The following ERC2 variants were observed in gnomAD, a reference collection of about 807,000 sequenced individuals.
ERC2 encodes ELKS/RAB6-interacting/CAST family member 2.
A neutral mutation model predicts 114.8 loss-of-function variants in ERC2; 42 were observed. The ratio of observed to expected loss-of-function variants is 0.37; its 90% CI spans 0.29 to 0.47. ERC2 has a LOEUF of 0.47. Ranked by LOEUF, ERC2 falls within the 20% of genes least tolerant of loss-of-function variation. The pLI is 0.99. For synonymous variants in ERC2, 454 were observed against 425.5 expected (o/e 1.07, Z -0.82); for missense variants, 939 against 1,150.7 (o/e 0.82, Z 2.66).
chr3:55,964,403 A>G (rs2068602999), intron 12 of ERC2, among the ~76,000 whole-genome samples: 1 of 152,240 alleles, frequency 6.6e-6, no homozygotes, highest in South Asian at 2.1e-4. Flanking sequence ...TTGGCCACAA[A>G]AGAGAATGGA....
intron 13 of ERC2, among the ~76,000 whole-genome samples, chr3:55,908,916 G>A (rs757964807): frequency 4.6e-5 from 7 of 152,166 alleles, no homozygotes; most frequent in Admixed American, 1.3e-4. Flanking sequence ...TGGGCAATAA[G>A]TATAGAGTCA....
chr3:56,424,368 T>TC (rs1161705405), intron 2 of ERC2, among the ~76,000 whole-genome samples: 1 of 152,152 alleles, frequency 6.6e-6, no homozygotes, highest in East Asian at 1.9e-4. Context: ...CATTTAGGTC[T>TC]CCCAAGGTCC....
At chr3:56,026,907 A>G (rs1393341594) in intron 7 of ERC2, among the ~76,000 whole-genome samples, 4 of 152,224 alleles carry the variant, frequency 2.6e-5, no homozygotes. Flanking sequence ...AAGATACAGA[A>G]CAAGTCCCAC....
chr3:56,405,894 T>TC lies in ERC2; in HGVS notation c.657+28456_657+28457insG, dbSNP rs1357836784. Among the ~76,000 whole-genome samples the TC allele has an allele frequency of 1.9e-3, 270 of 141,064 alleles. 1 individual carries two copies. Among genetic ancestry groups the TC allele is most frequent in the African/African-American group, 6.7e-3 (253 of 37,626 alleles). The allele number at this position is 141,064 out of a possible 152,430, so 92.5% of individuals were successfully genotyped here. ...GGATATGAACTTTTTTTTCTTTTTT[T>TC]TTTTTTTTTTTTTTTTGAGATAGAG... On this transcript the variant is annotated intron_variant, in intron 2 of 17. Transcript: ENST00000288221.
chr3:56,395,286 A>C (rs1413396016), intron 2 of ERC2, among the ~76,000 whole-genome samples: 3 of 152,202 alleles, frequency 2.0e-5, no homozygotes, highest in Admixed American at 1.3e-4. Context: ...TTGATATGTG[A>C]ATTACATTTC....
At chr3:55,623,265 T>C (rs1389378888) in intron 17 of ERC2, among the ~76,000 whole-genome samples, 1 of 152,186 alleles carries the variant, frequency 6.6e-6, no homozygotes, top group African/African-American at 2.4e-5. Context: ...AATTAATACA[T>C]GAAGACAGTG....
chr3:55,807,120 G>A (rs188926206), intron 14 of ERC2, among the ~76,000 whole-genome samples: 38 of 152,198 alleles, frequency 2.5e-4, no homozygotes, highest in Middle Eastern at 3.4e-3. Flanking sequence ...TGTGAAGGAC[G>A]GTGAAGGATG....
chr3:56,288,798 T>C (rs937646017), intron 3 of ERC2, among the ~76,000 whole-genome samples: 1 of 152,172 alleles, frequency 6.6e-6, no homozygotes, highest in Non-Finnish European at 1.5e-5. Flanking sequence ...TGTCTCAAAC[T>C]AGCATCAGTC....
chr3:56,209,746 G>A (rs555525661), intron 3 of ERC2, among the ~76,000 whole-genome samples: 12 of 152,222 alleles, frequency 7.9e-5, no homozygotes, highest in Admixed American at 2.6e-4. Flanking sequence ...GTCAGTAAGC[G>A]CAAATAGCAT....
At chr3:56,451,446 C>A (rs1263641813) in intron 1 of ERC2, among the ~76,000 whole-genome samples, 1 of 151,852 alleles carries the variant, frequency 6.6e-6, no homozygotes, top group East Asian at 1.9e-4. Context: ...AAGCATTCAT[C>A]TATGTATTCT....
intron 14 of ERC2, among the ~76,000 whole-genome samples, chr3:55,781,242 C>G (rs997027268): frequency 9.2e-5 from 14 of 152,242 alleles, no homozygotes; most frequent in African/African-American, 3.4e-4. Flanking sequence ...CCATATTTAT[C>G]ACTGTTTCAA....
At chr3:56,231,282 C>T (rs1379623123) in intron 3 of ERC2, among the ~76,000 whole-genome samples, 2 of 152,214 alleles carry the variant, frequency 1.3e-5, no homozygotes, top group Non-Finnish European at 2.9e-5. Flanking sequence ...GCCCTGACCC[C>T]AAAACCTATC....
chr3:56,416,509 C>G (rs900878596), intron 2 of ERC2, among the ~76,000 whole-genome samples: 1 of 152,078 alleles, frequency 6.6e-6, no homozygotes, highest in South Asian at 2.1e-4. Flanking sequence ...AACATTAACA[C>G]TTCCAAGCCA....
chr3:55,557,963 C>T (rs771442044), intron 17 of ERC2, among the ~76,000 whole-genome samples: 8 of 152,218 alleles, frequency 5.3e-5, no homozygotes, highest in Admixed American at 6.5e-5. Context: ...AGAATGCCTG[C>T]GTTGAAATTC....
At chr3:55,991,673 G>A (rs1423102937) in intron 11 of ERC2, among the ~76,000 whole-genome samples, 2 of 152,120 alleles carry the variant, frequency 1.3e-5, no homozygotes, top group African/African-American at 4.8e-5. Context: ...TTTGGTGTTG[G>A]TGGTGGTGTT....
intron 13 of ERC2, among the ~76,000 whole-genome samples, chr3:55,902,228 C>T (rs548171553): frequency 6.6e-6 from 1 of 152,108 alleles, no homozygotes; most frequent in Non-Finnish European, 1.5e-5. Flanking sequence ...CCAGACATAA[C>T]GTGCCAGAAT....
At chr3:56,275,118 C>T (rs1050518761) in intron 3 of ERC2, among the ~76,000 whole-genome samples, 4 of 152,168 alleles carry the variant, frequency 2.6e-5, no homozygotes, top group African/African-American at 9.7e-5. Context: ...TTTCCAGAAA[C>T]ACGATCCCAG....
chr3:55,532,518 A>G (rs573708376), intron 17 of ERC2, among the ~76,000 whole-genome samples: 110 of 152,352 alleles, frequency 7.2e-4, no homozygotes, highest in African/African-American at 2.5e-3. Context: ...CTTTTTGAGC[A>G]TGAACCAGGT....
intron 6 of ERC2, among the ~76,000 whole-genome samples, chr3:56,097,692 G>A (rs1293232744): frequency 1.3e-5 from 2 of 152,142 alleles, no homozygotes; most frequent in Non-Finnish European, 2.9e-5. Context: ...TGAAGAGGTG[G>A]AACTCACTGA....
Sources: gnomAD v4.1 joint callset for allele counts (sites outside exome capture counted in the v4.1 genomes callset) on GRCh38, gnomAD v4.1.1 for gene constraint, MANE v1.5 for transcripts, NCBI Gene and HGNC (gene_info 2026-07-23, HGNC 2026-07-21) for gene names.